Variants in MYO1H observed in about 807,000 individuals in gnomAD.
MYO1H encodes the protein unconventional myosin-Ih.
A neutral mutation model predicts 149.3 loss-of-function variants in MYO1H; 118 were observed. That is an observed-to-expected ratio of 0.79 (90% confidence interval 0.68 to 0.92). The LOEUF is 0.92. Ranked by LOEUF, MYO1H falls within the 40% of genes least tolerant of loss-of-function variation. The pLI, the probability that MYO1H is intolerant of heterozygous loss-of-function variation, is 0.00. For missense variants in MYO1H, 1,212 were observed against 1,280.7 expected (o/e 0.95, Z 0.82); for synonymous variants, 447 against 465.2 (o/e 0.96, Z 0.50).
At chr12:109,409,118 C>A (rs561283992) in intron 10 of MYO1H, among the ~76,000 whole-genome samples, 3 of 152,086 alleles carry the variant, frequency 2.0e-5, no homozygotes, top group African/African-American at 7.2e-5. Flanking sequence ...CTTTAAATAC[C>A]CACCCTGGCC....
intron 31 of MYO1H, chr12:109,446,927 C>T: frequency 1.7e-6 from 1 of 603,342 alleles, no homozygotes; most frequent in South Asian, 1.9e-5. Context: ...GTGTCTCTCT[C>T]CTCTGGAGTC....
intron 3 of MYO1H, among the ~76,000 whole-genome samples, chr12:109,393,775 G>C (rs1869778655): frequency 1.3e-5 from 2 of 152,182 alleles, no homozygotes; most frequent in African/African-American, 4.8e-5. Flanking sequence ...GCCTTCTTGT[G>C]AAGTAAGTAT....
rs1165995755 is a variant in MYO1H at position 109,442,795 on chromosome 12, C to CTGCCT, written c.2688+524_2688+525insGCCTT. 9.7e-4 allele frequency among the ~76,000 whole-genome samples: 91 copies of CTGCCT among 94,028 alleles called. 1 individual carries two copies. The highest frequency in any genetic ancestry group is 2.3e-3 in the East Asian group (7 of 3,108). The allele number at this position is 94,028 out of a possible 152,430, so 61.7% of individuals were successfully genotyped here. A position where few individuals can be genotyped will look rare whatever the true frequency, so the allele number is the denominator to read the frequency against. ...GTGATCGTGTGTGCCAGTGTCTGCT[C>CTGCCT]TTTTTTTTTTTTTTTTTTTTTTTGT... On this transcript the variant is annotated intron_variant, in intron 27 of 31. Coordinates refer to ENST00000310903, the Ensembl canonical transcript of MYO1H.
chr12:109,335,734 T>G, the MYO1H span, among the ~76,000 whole-genome samples: 3 of 152,258 alleles, frequency 2.0e-5, no homozygotes, highest in African/African-American at 7.2e-5. Context: ...TTTATCTCTC[T>G]TAGTAAAGTT....
chr12:109,358,508 G>A (rs1566017880), intron 1 of MYO1H, among the ~76,000 whole-genome samples: 2 of 152,196 alleles, frequency 1.3e-5, no homozygotes, highest in African/African-American at 4.8e-5. Flanking sequence ...ATTTTATAAA[G>A]AGTAAGTTGA....
At chr12:109,418,934 C>T (rs1450655168) in intron 15 of MYO1H, among the ~76,000 whole-genome samples, 1 of 151,854 alleles carries the variant, frequency 6.6e-6, no homozygotes, top group African/African-American at 2.4e-5. Context: ...TCTTTGAATG[C>T]AAAGTGACAA....
At position 109,413,349 on chromosome 12, in the gene MYO1H, T is replaced by C. The variant is rs371674507; in HGVS notation, c.1502+1364T>C. On this transcript the variant is annotated intron_variant, in intron 14 of 31. Transcript: ENST00000310903. ...ATGGGGGTTATTAACATACCTACCA[T>C]CCAATTTTGTAAATGATGCCATAAA... 2.0e-4 allele frequency among the ~76,000 whole-genome samples: 31 copies of C among 152,286 alleles called. No homozygotes were observed. In the South Asian group the frequency reaches 5.6e-3, roughly 27 times the overall value.
intron 14 of MYO1H, among the ~76,000 whole-genome samples, chr12:109,413,469 G>T (rs1315181958): frequency 6.6e-6 from 1 of 152,168 alleles, no homozygotes. Context: ...ATAAGTAAAT[G>T]AAATTGCAAA....
chr12:109,423,955 T>TA (rs1871268035), intron 16 of MYO1H, among the ~76,000 whole-genome samples: 1 of 152,078 alleles, frequency 6.6e-6, no homozygotes, highest in African/African-American at 2.4e-5. Flanking sequence ...GTCCAAAAGC[T>TA]AGTGCCCTGG....
At chr12:109,443,467 C>T (rs189804984) in intron 27 of MYO1H, 47 bp from the exon 28 acceptor site, 47 of 1,599,020 alleles carry the variant, frequency 2.9e-5, no homozygotes, top group African/African-American at 2.6e-4. Flanking sequence ...GCAAGAAACT[C>T]GGTACTCTGC....
chr12:109,425,926 C>G lies in MYO1H; in HGVS notation c.1726-20C>G, dbSNP rs10774693. On this transcript the variant is annotated intron_variant, in intron 17 of 31. Transcript: ENST00000310903. ...TATCTCTCTGGCTCGTTCTCTCTCT[C>G]TTTCTCTCTCTCTCTGCAGGTGGGG... The G allele has an allele frequency of 1.2e-5, 17 of 1,393,854 alleles. No individual in the cohort carries two copies. Among genetic ancestry groups the G allele is most frequent in the African/African-American group, 8.7e-5 (6 of 68,730 alleles). 86.3% of individuals were successfully genotyped at this position (1,393,854 alleles called of 1,614,324 possible). A position where few individuals can be genotyped will look rare whatever the true frequency, so the allele number is the denominator to read the frequency against.
chr12:109,347,776 C>T (rs117159539), upstream of MYO1H: 9 of 390,864 alleles, frequency 2.3e-5, no homozygotes, highest in East Asian at 1.1e-4. Context: ...TACATGTAGA[C>T]GGCCATAAGA....
intron 6 of MYO1H, among the ~76,000 whole-genome samples, chr12:109,402,547 C>A (rs190563637): frequency 5.9e-5 from 9 of 152,196 alleles, no homozygotes; most frequent in Non-Finnish European, 8.8e-5. Flanking sequence ...GCAGGAGGAT[C>A]GCTTGAGTCC....
chr12:109,415,229 C>T (rs1330203273), intron 14 of MYO1H, among the ~76,000 whole-genome samples: 1 of 152,120 alleles, frequency 6.6e-6, no homozygotes, highest in Non-Finnish European at 1.5e-5. Context: ...GTAATCCCAG[C>T]ACTTTGGTAG....
chr12:109,328,123 A>AACAC, the MYO1H span, among the ~76,000 whole-genome samples: 105 of 146,308 alleles, frequency 7.2e-4, no homozygotes, highest in African/African-American at 2.5e-3. Flanking sequence ...TGGGGATCAT[A>AACAC]ACACACACAC....
chr12:109,395,921 T>G (rs1428737372), intron 3 of MYO1H, among the ~76,000 whole-genome samples: 1 of 151,888 alleles, frequency 6.6e-6, no homozygotes, highest in Non-Finnish European at 1.5e-5. Flanking sequence ...TTGATGTTGT[T>G]GTTGTTGTTG....
At chr12:109,354,708 C>T (rs1162700738) in intron 1 of MYO1H, among the ~76,000 whole-genome samples, 1 of 152,006 alleles carries the variant, frequency 6.6e-6, no homozygotes, top group East Asian at 1.9e-4. Context: ...GATGTCTGCC[C>T]TTTAGGGAAT....
the MYO1H span, among the ~76,000 whole-genome samples, chr12:109,340,011 T>A: frequency 6.6e-6 from 1 of 152,182 alleles, no homozygotes; most frequent in East Asian, 1.9e-4. Context: ...AGAGTCAGAT[T>A]ACAGCATTGT....
At chr12:109,336,521 G>GGT in the MYO1H span, among the ~76,000 whole-genome samples, 8 of 152,100 alleles carry the variant, frequency 5.3e-5, no homozygotes, top group African/African-American at 1.9e-4. Context: ...TTTTTCCCTT[G>GGT]GTGGTTATTC....
Sources: gnomAD v4.1 joint callset for allele counts (sites outside exome capture counted in the v4.1 genomes callset) on GRCh38, gnomAD v4.1.1 for gene constraint, MANE v1.5 for transcripts, NCBI Gene and HGNC (gene_info 2026-07-23, HGNC 2026-07-21) for gene names.